Variants in GALNT15 observed in about 807,000 individuals in gnomAD.
GALNT15 encodes the protein UDP-GalNAc transferase T15.
In GALNT15, 67 loss-of-function variants were observed where a neutral mutation model predicts 66.8. That is an observed-to-expected ratio of 1.00 (90% CI 0.82 to 1.23). The LOEUF (loss-of-function observed/expected upper bound fraction) is 1.23, where lower values mean the gene tolerates loss of function less well. Ranked by LOEUF, GALNT15 falls within the 50% of genes most tolerant of loss-of-function variation. The pLI is 0.00. For synonymous variants in GALNT15, 313 were observed against 311.5 expected, an observed-to-expected ratio of 1.00 and a Z score of -0.05; for missense variants, 827 against 804.3, an observed-to-expected ratio of 1.03 and a Z score of -0.34.
At position 16,195,751 on chromosome 3, in the gene GALNT15, T is replaced by C; in HGVS notation, c.540-9T>C. 6.2e-7 allele frequency: 1 copy of C among 1,605,540 alleles called. No individual in the cohort carries two copies. Among genetic ancestry groups the C allele is most frequent in the South Asian group, 1.1e-5 (1 of 90,538 alleles). On this transcript the variant is annotated splice_polypyrimidine_tract_variant and intron_variant, in intron 1 of 9. Coordinates refer to ENST00000339732, the MANE Select transcript of GALNT15 (RefSeq NM_054110.5). The surrounding 1 kb of genome is among the most constrained non-coding windows in gnomAD (Gnocchi z 4.6). The stretch of plus-strand genomic sequence containing the variant: ...CTTCCCCATGGCTCTCTGGCTCTCT[T>C]CCCTGCAGGTGTCTGCAGCAGCACC...
In GALNT15 at chr3:16,225,181, C is replaced by G. The variant is rs1390073896; in HGVS notation, c.1774-2173C>G. On this transcript the variant is annotated intron_variant, in intron 9 of 9. Transcript: ENST00000339732. The surrounding 1 kb of genome is among the most constrained non-coding windows in gnomAD (Gnocchi z 4.4). Reference sequence around the variant, plus strand: ...GGGGTGCCACACACTCTTAAATGACCAGATCCTCAAGAACTCGCTATCAAG... The same window carrying G: ...GGGGTGCCACACACTCTTAAATGACGAGATCCTCAAGAACTCGCTATCAAG... Among the ~76,000 whole-genome samples, 1 of 151,980 alleles carries G rather than the reference C, an allele frequency of 6.6e-6. No individual in the cohort carries two copies. Among genetic ancestry groups the G allele is most frequent in the Non-Finnish European group, 1.5e-5 (1 of 67,994 alleles).
In GALNT15 at chr3:16,195,897, T is replaced by C; in HGVS notation, c.677T>C (p.Ile226Thr). Residue 226 changes from isoleucine to threonine, a missense_variant, in exon 2 of 10, where the codon ATC becomes ACC. Ile to Thr is a moderately conservative substitution (Grantham distance 89). Transcript: ENST00000339732. This position sits in a 1 kb window ranked among gnomAD's most constrained non-coding sequence, Gnocchi z 4.6. Reference protein sequence around the residue: ...DTVPRAFLKEIILVDDLSQQG... With the variant: ...DTVPRAFLKETILVDDLSQQG... ...GTGCCCAGGGCCTTCCTGAAGGAGA[T>C]CATCCTCGTGGACGACCTCAGCCAG... 2 of 1,614,092 alleles carry C rather than the reference T, an allele frequency of 1.2e-6. No homozygotes were observed. Among genetic ancestry groups the C allele is most frequent in the Non-Finnish European group, 1.7e-6 (2 of 1,179,994 alleles).
At position 16,229,238 on chromosome 3, in the gene GALNT15, A is replaced by C. The variant is rs781381900; in HGVS notation, c.*1738A>C. The C allele has an allele frequency of 1.0e-6, 1 of 985,202 alleles. No individual in the cohort carries two copies. Among genetic ancestry groups the C allele is most frequent in the Non-Finnish European group, 1.2e-6 (1 of 829,846 alleles). The allele number at this position is 985,202 out of a possible 1,614,324, so 61.0% of individuals were successfully genotyped here. A position where few individuals can be genotyped will look rare whatever the true frequency, so the allele number is the denominator to read the frequency against. ...ACCTGCTAAGTCAAGGGTTCACTGCATTTCTCCTTCCTCAGAATACACTCT... is the reference window on the plus strand; with the variant it reads ...ACCTGCTAAGTCAAGGGTTCACTGCCTTTCTCCTTCCTCAGAATACACTCT... On this transcript the variant is annotated 3_prime_UTR_variant, in exon 10 of 10. Coordinates refer to ENST00000339732, the MANE Select transcript of GALNT15 (RefSeq NM_054110.5).
chr3:16,235,508 T>G (rs1339748220), downstream of GALNT15, among the ~76,000 whole-genome samples: 1 of 152,136 alleles, frequency 6.6e-6, no homozygotes, highest in Non-Finnish European at 1.5e-5. Context: ...CGAGGGAGAT[T>G]CAGATATGAG....
chr3:16,239,658 A>G, the GALNT15 span, among the ~76,000 whole-genome samples: 2 of 152,184 alleles, frequency 1.3e-5, no homozygotes, highest in Admixed American at 6.5e-5. This position sits in a 1 kb window ranked among gnomAD's most constrained non-coding sequence, Gnocchi z 5.2. Flanking sequence ...CTTTTACTGC[A>G]CAGCTTCCAA....
At position 16,175,404 on chromosome 3, in the gene GALNT15, C is replaced by G; in HGVS notation, c.253C>G (p.Pro85Ala). Reference protein sequence around the residue: ...GEEYSPLEGLPPFISLREDQL... With the variant: ...GEEYSPLEGLAPFISLREDQL... ...AGAGTACAGCCCTCTGGAGGGCCTG[C>G]CACCCTTTATCTCACTGCGGGAGGA... is the stretch of plus-strand genomic sequence containing the variant. Residue 85 changes from proline to alanine, a missense_variant, in exon 1 of 10, where the codon CCA (proline) becomes GCA (alanine). Physicochemically the swap from Pro to Ala is conservative, Grantham distance 27. Transcript: ENST00000339732. The surrounding 1 kb of genome is among the most constrained non-coding windows in gnomAD (Gnocchi z 5.6). The G allele has an allele frequency of 6.2e-7, 1 of 1,614,200 alleles. No homozygotes were observed. The highest frequency in any genetic ancestry group is 8.5e-7 in the Non-Finnish European group (1 of 1,180,034).
chr3:16,225,439 G>A lies in GALNT15; in HGVS notation c.1774-1915G>A, dbSNP rs1274413337. On this transcript the variant is annotated intron_variant, in intron 9 of 9. Coordinates refer to ENST00000339732, the MANE Select transcript of GALNT15 (RefSeq NM_054110.5). The surrounding 1 kb of genome is among the most constrained non-coding windows in gnomAD (Gnocchi z 4.4). ...AGGCCAGGCTCAATGGCTCACGCCT[G>A]TAATCCCAGCACTTCGGGAGGCCGA... 6.6e-6 allele frequency among the ~76,000 whole-genome samples: 1 copy of A among 152,262 alleles called. No individual in the cohort carries two copies. Among genetic ancestry groups the A allele is most frequent in the African/African-American group, 2.4e-5 (1 of 41,476 alleles).
At chr3:16,206,385 A>G (rs2063757059) in intron 3 of GALNT15, among the ~76,000 whole-genome samples, 1 of 151,852 alleles carries the variant, frequency 6.6e-6, no homozygotes, top group South Asian at 2.1e-4. Context: ...ATTTAAAAAA[A>G]AAAAAAGGCC....
At chr3:16,197,823 T>C (rs910130092) in intron 2 of GALNT15, among the ~76,000 whole-genome samples, 1 of 152,200 alleles carries the variant, frequency 6.6e-6, no homozygotes, top group African/African-American at 2.4e-5. Context: ...TACCAGCTTT[T>C]TCCGAGCACT....
chr3:16,217,180 A>G (rs1222398865), intron 6 of GALNT15, among the ~76,000 whole-genome samples: 3 of 152,254 alleles, frequency 2.0e-5, no homozygotes, highest in Non-Finnish European at 4.4e-5. Context: ...GAAATGTGAA[A>G]GAGTGCTATG....
In GALNT15 at chr3:16,198,808, G is replaced by A. The variant is rs1038893856; in HGVS notation, c.707-1811G>A. 1.6e-4 allele frequency among the ~76,000 whole-genome samples: 22 copies of A among 141,878 alleles called. 1 individual carries two copies. The highest frequency in any genetic ancestry group is 4.2e-4 in the East Asian group (2 of 4,708). The allele number at this position is 141,878 out of a possible 152,430, so 93.1% of individuals were successfully genotyped here. A position where few individuals can be genotyped will look rare whatever the true frequency, so the allele number is the denominator to read the frequency against. On this transcript the variant is annotated intron_variant, in intron 2 of 9. Transcript: ENST00000339732. Reference sequence around the variant, plus strand: ...TGGTGCTTAGAAGACAGATTCCCAGGGAAGGAGTGTATGAAGTCTGCTGGG... The same window carrying A: ...TGGTGCTTAGAAGACAGATTCCCAGAGAAGGAGTGTATGAAGTCTGCTGGG...
chr3:16,236,054 G>A (rs573376899), downstream of GALNT15, among the ~76,000 whole-genome samples: 40 of 122,962 alleles, frequency 3.3e-4, no homozygotes, highest in African/African-American at 6.7e-4. Context: ...GGAGTGAGCC[G>A]AGATCACACC....
At position 16,174,842 on chromosome 3, in the gene GALNT15, AG is replaced by A. The variant is rs2063387512; in HGVS notation, c.-308del. The A allele has an allele frequency of 2.7e-6, 1 of 374,138 alleles. No homozygotes were observed. The highest frequency in any genetic ancestry group is 4.9e-6 in the Non-Finnish European group (1 of 205,374). 23.2% of individuals were successfully genotyped at this position (374,138 alleles called of 1,614,324 possible). A position where few individuals can be genotyped will look rare whatever the true frequency, so the allele number is the denominator to read the frequency against. ...GAATGGAATCATTATTTTTTTCCCA[AG>A]GAGAAAACCGGGGTAAAGGGAGGGA... On this transcript the variant is annotated 5_prime_UTR_variant, in exon 1 of 10. An upstream open reading frame in the 5' UTR gains an earlier in-frame stop. Transcript: ENST00000339732. The surrounding 1 kb of genome is among the most constrained non-coding windows in gnomAD (Gnocchi z 4.7).
At chr3:16,223,937 A>G (rs995692731) in intron 9 of GALNT15, among the ~76,000 whole-genome samples, 1 of 152,032 alleles carries the variant, frequency 6.6e-6, no homozygotes, top group Non-Finnish European at 1.5e-5. Flanking sequence ...CGGGTGATCC[A>G]CCCACTCGGC....
In GALNT15 at chr3:16,188,139, C is replaced by T. The variant is rs2063536106; in HGVS notation, c.540-7621C>T. Among the ~76,000 whole-genome samples the T allele has an allele frequency of 6.6e-6, 1 of 152,184 alleles. No homozygotes were observed. The highest frequency in any genetic ancestry group is 2.4e-5 in the African/African-American group (1 of 41,450). On this transcript the variant is annotated intron_variant, in intron 1 of 9. Transcript: ENST00000339732. The surrounding 1 kb of genome is among the most constrained non-coding windows in gnomAD (Gnocchi z 4.6). ...TAGCACATCTAGCCTCACGCTCTTC[C>T]CCCCAGACCATTATCCTGGCTCCGG... is the stretch of plus-strand genomic sequence containing the variant.
At chr3:16,212,872 G>C (rs2063832245) in intron 6 of GALNT15, 109 bp downstream of exon 6, 5 of 964,254 alleles carry the variant, frequency 5.2e-6, no homozygotes, top group Non-Finnish European at 7.7e-6. Flanking sequence ...AGAAGATTCT[G>C]GCTTGAGCTT....
intron 1 of GALNT15, among the ~76,000 whole-genome samples, chr3:16,192,891 A>C (rs547709946): frequency 6.6e-6 from 1 of 152,362 alleles, no homozygotes; most frequent in East Asian, 1.9e-4. Flanking sequence ...ACTTCTTGCT[A>C]AAGTCCATAG....
rs193037398 is a variant in GALNT15 at position 16,227,845 on chromosome 3, T to C, written c.*345T>C. ...ACATTCTCTGGCAGCACCTCCAGGA[T>C]ACATAAATTCAATGGATCAATTTAT... On this transcript the variant is annotated 3_prime_UTR_variant, in exon 10 of 10. Transcript: ENST00000339732. This position sits in a 1 kb window ranked among gnomAD's most constrained non-coding sequence, Gnocchi z 4.5. 94 of 1,052,920 alleles carry C rather than the reference T, an allele frequency of 8.9e-5. No individual in the cohort carries two copies. In the African/African-American group the frequency reaches 1.5e-3, roughly 17 times the overall value. The allele number at this position is 1,052,920 out of a possible 1,614,324, so 65.2% of individuals were successfully genotyped here.
chr3:16,232,493 T>A (rs1232329930), downstream of GALNT15, among the ~76,000 whole-genome samples: 79 of 81,290 alleles, frequency 9.7e-4, 6 homozygotes, highest in African/African-American at 2.8e-3. Context: ...TATATATATA[T>A]ATATATATAT....
Sources: gnomAD v4.1 joint callset for allele counts (sites outside exome capture counted in the v4.1 genomes callset) on GRCh38, gnomAD v4.1.1 for gene constraint, Gnocchi (gnomAD v3.1) non-coding constraint, MANE v1.5 for transcripts, NCBI Gene and HGNC (gene_info 2026-07-23, HGNC 2026-07-21) for gene names.